The following SNX29 variants were observed in gnomAD, a reference collection of about 807,000 sequenced individuals.
The protein encoded by SNX29 is sorting nexin-29.
In SNX29, 78 loss-of-function variants were observed where a neutral mutation model predicts 102.1. That is an observed-to-expected ratio of 0.76 (90% CI 0.64 to 0.92). SNX29 has a LOEUF of 0.92. SNX29 is among the 40% of genes least tolerant of loss of function. The pLI, the probability that SNX29 is intolerant of heterozygous loss-of-function variation, is 0.00. For missense variants in SNX29, 1,280 were observed against 1,061.7 expected, an observed-to-expected ratio of 1.21 and a Z score of -2.86; for synonymous variants, 580 against 414.5, an observed-to-expected ratio of 1.40 and a Z score of -4.85.
chr16:12,471,661 C>G (rs2087347062), intron 18 of SNX29, among the ~76,000 whole-genome samples: 1 of 152,230 alleles, frequency 6.6e-6, no homozygotes, highest in Non-Finnish European at 1.5e-5. Flanking sequence ...AGGGTGAAAG[C>G]TCACTCTCCC....
chr16:12,007,456 G>C (rs1049651537), intron 3 of SNX29, among the ~76,000 whole-genome samples: 4 of 151,632 alleles, frequency 2.6e-5, no homozygotes, highest in African/African-American at 7.3e-5. Flanking sequence ...AGTAAGCCGA[G>C]ATCACACCGT....
intron 19 of SNX29, among the ~76,000 whole-genome samples, chr16:12,502,442 G>A (rs75744422): frequency 0.039 from 5,897 of 152,174 alleles, 272 homozygotes; most frequent in East Asian, 0.22. Context: ...CGGTGGTGGT[G>A]GTTGCTAGGC....
At chr16:12,409,883 C>T (rs865831982) in intron 18 of SNX29, among the ~76,000 whole-genome samples, 1 of 152,198 alleles carries the variant, frequency 6.6e-6, no homozygotes, top group African/African-American at 2.4e-5. Flanking sequence ...TTGCGTCTAG[C>T]GACCACAAAT....
At chr16:12,537,956 G>A (rs2077150176) in intron 20 of SNX29, among the ~76,000 whole-genome samples, 1 of 143,888 alleles carries the variant, frequency 6.9e-6, no homozygotes. Context: ...CTGCACTCCA[G>A]CCTGGGCAAT....
intron 17 of SNX29, among the ~76,000 whole-genome samples, chr16:12,398,797 C>T (rs1190062113): frequency 6.6e-6 from 1 of 151,962 alleles, no homozygotes; most frequent in Admixed American, 6.6e-5. Context: ...AAATGAGACG[C>T]TTGTCCCTGT....
rs796313956 is a variant in SNX29 at position 12,569,667 on chromosome 16, T to G, written c.*1038T>G. The G allele has an allele frequency of 4.8e-5, 11 of 229,842 alleles. No individual in the cohort carries two copies. Among genetic ancestry groups the G allele is most frequent in the African/African-American group, 1.1e-4 (5 of 45,246 alleles). The allele number at this position is 229,842 out of a possible 1,614,324, so 14.2% of individuals were successfully genotyped here. A position where few individuals can be genotyped will look rare whatever the true frequency, so the allele number is the denominator to read the frequency against. On this transcript the variant is annotated 3_prime_UTR_variant, in exon 21 of 21. Coordinates refer to ENST00000566228, the MANE Select transcript of SNX29 (RefSeq NM_032167.5). The stretch of plus-strand genomic sequence containing the variant: ...AGTCCTCTGTTCCTCCCATGTCAGG[T>G]GGCTCTCAGAGTACAGGGACCTTGG...
At chr16:12,465,727 T>A (rs1402352544) in intron 18 of SNX29, among the ~76,000 whole-genome samples, 2 of 152,220 alleles carry the variant, frequency 1.3e-5, no homozygotes, top group Non-Finnish European at 2.9e-5. Flanking sequence ...GTTCTTGTAT[T>A]TATGTGAAAT....
At position 12,051,975 on chromosome 16, in the gene SNX29, G is replaced by C. The variant is rs773570515; in HGVS notation, c.877G>C (p.Glu293Gln). 4 of 1,613,856 alleles carry C rather than the reference G, an allele frequency of 2.5e-6. No individual in the cohort carries two copies. In the African/African-American group the frequency reaches 4.0e-5, roughly 16 times the overall value. ...GACACCTGGGGCAGGGGAGAGCTCA[G>C]AGGACAACTCCGACCGCTCCTCTGT... ...KKTPGAGESS[E>Q]DNSDRSSVNI... is the part of the protein sequence containing the mutation. Residue 293 changes from glutamate (E) to glutamine (Q), a missense_variant, in exon 8 of 21, where the codon GAG becomes CAG. Glu to Gln is a conservative substitution (Grantham distance 29, BLOSUM62 2). Transcript: ENST00000566228.
chr16:12,003,408 A>G (rs779258027), intron 3 of SNX29, among the ~76,000 whole-genome samples: 24 of 152,216 alleles, frequency 1.6e-4, no homozygotes, highest in Non-Finnish European at 2.9e-4. Context: ...TAGTGCATTA[A>G]TGGGGTGGAA....
At chr16:11,997,308 G>A (rs898781384) in intron 1 of SNX29, among the ~76,000 whole-genome samples, 2 of 152,046 alleles carry the variant, frequency 1.3e-5, no homozygotes, top group African/African-American at 4.8e-5. Context: ...TTCCATAGCT[G>A]TTCCTTCTCT....
chr16:11,992,666 G>T (rs907013253), intron 1 of SNX29, among the ~76,000 whole-genome samples: 3 of 152,194 alleles, frequency 2.0e-5, no homozygotes, highest in African/African-American at 7.2e-5. Context: ...GGAGAGCAGG[G>T]CTCAGCCTCC....
At position 12,433,703 on chromosome 16, in the gene SNX29, A is replaced by C. The variant is rs1363288774; in HGVS notation, c.2037+30174A>C. On this transcript the variant is annotated intron_variant, in intron 18 of 20. Coordinates refer to ENST00000566228, the MANE Select transcript of SNX29 (RefSeq NM_032167.5). ...GGTGGGCATGGTGGTGCGTGCCTGT[A>C]ATCCCAGGTACTTCGGAGGCTGAGA... 4.6e-5 allele frequency among the ~76,000 whole-genome samples: 7 copies of C among 151,498 alleles called. 1 individual carries two copies. The highest frequency in any genetic ancestry group is 4.2e-4 in the South Asian group (2 of 4,786).
At chr16:12,360,887 A>T (rs956505956) in intron 16 of SNX29, among the ~76,000 whole-genome samples, 1 of 152,200 alleles carries the variant, frequency 6.6e-6, no homozygotes, top group African/African-American at 2.4e-5. Context: ...GCCTCCAGTC[A>T]TTCTGTGAGT....
intron 18 of SNX29, among the ~76,000 whole-genome samples, chr16:12,439,671 G>A (rs1393151605): frequency 6.6e-6 from 1 of 152,186 alleles, no homozygotes; most frequent in East Asian, 1.9e-4. Context: ...CCCACAACAT[G>A]AAGGAGTTAT....
At chr16:12,011,976 C>T (rs1382361594) in intron 3 of SNX29, among the ~76,000 whole-genome samples, 1 of 152,040 alleles carries the variant, frequency 6.6e-6, no homozygotes, top group Non-Finnish European at 1.5e-5. Context: ...CTAGACATAC[C>T]TGTGTTTTTT....
At chr16:12,229,488 A>T (rs2077708978) in intron 14 of SNX29, among the ~76,000 whole-genome samples, 1 of 152,204 alleles carries the variant, frequency 6.6e-6, no homozygotes, top group Admixed American at 6.5e-5. Flanking sequence ...GTTTTTGCCA[A>T]TGTAGAGATA....
chr16:12,565,785 G>A (rs369095464), intron 20 of SNX29, among the ~76,000 whole-genome samples: 1 of 152,002 alleles, frequency 6.6e-6, no homozygotes, highest in African/African-American at 2.4e-5. Context: ...TTCACATCTA[G>A]AGGGCCCTTT....
At chr16:12,243,134 G>A (rs936004187) in intron 14 of SNX29, among the ~76,000 whole-genome samples, 3 of 152,350 alleles carry the variant, frequency 2.0e-5, no homozygotes, top group African/African-American at 4.8e-5. Context: ...TTGTCTTCTC[G>A]CTCTTTCTGT....
intron 16 of SNX29, among the ~76,000 whole-genome samples, chr16:12,362,623 C>G (rs957287444): frequency 2.2e-5 from 3 of 136,108 alleles, no homozygotes; most frequent in African/African-American, 8.3e-5. Flanking sequence ...CTGCCCTGTG[C>G]TGCCCCCCAC....
Sources: allele counts gnomAD v4.1 joint callset (sites outside exome capture counted in the v4.1 genomes callset), GRCh38; gene constraint gnomAD v4.1.1; transcripts MANE v1.5; gene names NCBI Gene and HGNC (gene_info 2026-07-23, HGNC 2026-07-21).